TRIM6: variants seen among roughly 807,000 people sequenced by gnomAD.
The protein encoded by TRIM6 is tripartite motif-containing protein 6.
Under a neutral mutation model 51.2 loss-of-function variants are expected in TRIM6, and 43 were observed. The observed-to-expected ratio is 0.84, with a 90% CI of 0.66 to 1.08. The LOEUF is 1.08. Among genes scored for constraint, TRIM6 ranks in the 50% least tolerant of loss-of-function variants. The probability of loss-of-function intolerance (pLI) is 0.00; values close to 1 mark genes in which losing one functional copy is unlikely to be tolerated. For missense variants in TRIM6, 669 were observed against 619.0 expected, an observed-to-expected ratio of 1.08 and a Z score of -0.86; for synonymous variants, 215 against 232.4, an observed-to-expected ratio of 0.93 and a Z score of 0.68.
Position 5,610,562 on chromosome 11 carries a change from G to T in TRIM6, c.985+1G>T. On this transcript the variant is annotated splice_donor_variant, in intron 7 of 7. Transcript: ENST00000380097. LOFTEE classifies it high-confidence loss of function. ...CTGACAGATGTCCAAAGCTACTGGG[G>T]TAAGTAGAAGCCATGGCCTCTTTGG... The T allele has an allele frequency of 6.2e-7, 1 of 1,612,956 alleles. No homozygotes were observed. The highest frequency in any genetic ancestry group is 8.5e-7 in the Non-Finnish European group (1 of 1,179,400).
rs756614315 is a variant in TRIM6, at chr11:5,603,689, G to A, written c.461G>A (p.Arg154His). 36 of 1,613,318 alleles carry A rather than the reference G, an allele frequency of 2.2e-5. No homozygotes were observed. The highest frequency in any genetic ancestry group is 4.5e-5 in the East Asian group (2 of 44,790). Residue 154 changes from arginine (R) to histidine (H), a missense_variant, in exon 2 of 8, where the codon CGT becomes CAT. By Grantham distance (29) the Arg-to-His change is conservative. Transcript: ENST00000380097. ...CTTTGTGAGCGGTCTCAGGAGCACC[G>A]TGGTCACCACACGTTCCTCGTGGAG... is the stretch of plus-strand genomic sequence containing the variant. Reference protein sequence around the residue: ...CWLCERSQEHRGHHTFLVEEV... With the variant: ...CWLCERSQEHHGHHTFLVEEV...
chr11:5,598,738 C>T (rs1490135674), intron 1 of TRIM6, among the ~76,000 whole-genome samples: 1 of 152,172 alleles, frequency 6.6e-6, no homozygotes, highest in Non-Finnish European at 1.5e-5. Flanking sequence ...AACACAGTTC[C>T]ATTATGCTTA....
At position 5,611,510 on chromosome 11, in the gene TRIM6, C is replaced by G. The variant is rs375969165; in HGVS notation, c.*168C>G. On this transcript the variant is annotated 3_prime_UTR_variant, in exon 8 of 8. Transcript: ENST00000380097. ...GCTCTGTCGCCCAGGCTGGAGTGCACTGGCGCAATCTCGGCTCACTGCAAC... is the reference window on the plus strand; with the variant it reads ...GCTCTGTCGCCCAGGCTGGAGTGCAGTGGCGCAATCTCGGCTCACTGCAAC... The G allele has an allele frequency of 4.6e-3, 2,918 of 627,778 alleles. 61 individuals are homozygous for G. Among genetic ancestry groups the G allele is most frequent in the South Asian group, 0.037 (1,723 of 46,294 alleles). The allele number at this position is 627,778 out of a possible 1,614,324, so 38.9% of individuals were successfully genotyped here. A position where few individuals can be genotyped will look rare whatever the true frequency, so the allele number is the denominator to read the frequency against.
intron 4 of TRIM6, among the ~76,000 whole-genome samples, chr11:5,607,077 G>C (rs1240089251): frequency 6.6e-6 from 1 of 151,926 alleles, no homozygotes; most frequent in South Asian, 2.1e-4. Flanking sequence ...GGTGGCGGGC[G>C]CCTGTAGTCC....
In TRIM6 at chr11:5,610,523, T is replaced by C; in HGVS notation, c.959-12T>C. 6.2e-7 allele frequency: 1 copy of C among 1,614,148 alleles called. No individual in the cohort carries two copies. Among genetic ancestry groups the C allele is most frequent in the Non-Finnish European group, 8.5e-7 (1 of 1,180,022 alleles). On this transcript the variant is annotated splice_polypyrimidine_tract_variant and intron_variant, in intron 6 of 7. Transcript: ENST00000380097. Reference sequence around the variant, plus strand: ...TCCTATTCAACATTATTGACTCTTTTCATCATTACAGAGCTGACAGATGTC... The same window carrying C: ...TCCTATTCAACATTATTGACTCTTTCCATCATTACAGAGCTGACAGATGTC...
At chr11:5,600,432 C>T (rs529176394) in intron 1 of TRIM6, among the ~76,000 whole-genome samples, 1 of 152,308 alleles carries the variant, frequency 6.6e-6, no homozygotes, top group South Asian at 2.1e-4. Context: ...CTAGTACTTG[C>T]AGAAGCACCA....
At chr11:5,600,871 A>G (rs546646094) in intron 1 of TRIM6, among the ~76,000 whole-genome samples, 29 of 152,236 alleles carry the variant, frequency 1.9e-4, no homozygotes, top group Non-Finnish European at 1.5e-4. Flanking sequence ...TGGCCCAAAC[A>G]CAACTCCAGG....
chr11:5,612,008 G>C lies in TRIM6; in HGVS notation c.*666G>C, dbSNP rs1435010890. 6.6e-6 allele frequency: 1 copy of C among 152,058 alleles called. No individual in the cohort carries two copies. Among genetic ancestry groups the C allele is most frequent in the East Asian group, 1.9e-4 (1 of 5,190 alleles). The allele number at this position is 152,058 out of a possible 1,614,324, so 9.4% of individuals were successfully genotyped here. A position where few individuals can be genotyped will look rare whatever the true frequency, so the allele number is the denominator to read the frequency against. On this transcript the variant is annotated 3_prime_UTR_variant, in exon 8 of 8. Transcript: ENST00000380097. ...ACCTATGTCTTTTCTGTAAATTATT[G>C]AGACAATTGTGTATCATTTTTGTTC...
chr11:5,605,735 G>A (rs954903276), intron 4 of TRIM6, among the ~76,000 whole-genome samples, 168 bp downstream of exon 4: 4 of 152,138 alleles, frequency 2.6e-5, no homozygotes, highest in Admixed American at 6.5e-5. Context: ...GGAGTAAAGC[G>A]TAAGATAATT....
At chr11:5,606,176 A>G (rs1323088191) in intron 4 of TRIM6, among the ~76,000 whole-genome samples, 3 of 152,202 alleles carry the variant, frequency 2.0e-5, no homozygotes, top group Non-Finnish European at 4.4e-5. Context: ...GAGATGATGT[A>G]TTACCAGCCC....
At chr11:5,605,301 C>G in intron 3 of TRIM6, 36 bp from the exon 4 acceptor site, 11 of 1,612,804 alleles carry the variant, frequency 6.8e-6, no homozygotes, top group Non-Finnish European at 9.3e-6. Context: ...TCAGTGTGAC[C>G]GACTAGCAGC....
At position 5,597,676 on chromosome 11, in the gene TRIM6, C is replaced by T. The variant is rs148287583; in HGVS notation, c.17+762C>T. On this transcript the variant is annotated intron_variant, in intron 1 of 7. Transcript: ENST00000380097. ...CCGCTCTGTCATTCCTAACTCTGAACCCCCAGCCTACACCAGCCCCAGTAT... is the reference window on the plus strand; with the variant it reads ...CCGCTCTGTCATTCCTAACTCTGAATCCCCAGCCTACACCAGCCCCAGTAT... 5.4e-3 allele frequency among the ~76,000 whole-genome samples: 824 copies of T among 152,202 alleles called. 7 individuals carry two copies. Among genetic ancestry groups the T allele is most frequent in the Middle Eastern group, 0.014 (4 of 294 alleles).
chr11:5,596,536 T>TCCCCCTTCCCCCTTCCCCCTTCCCCTC, upstream of TRIM6: 1 of 5,382 alleles, frequency 1.9e-4, no homozygotes, highest in African/African-American at 5.2e-4. Flanking sequence ...CCTTCCCCCT[T>TCCCCCTTCCCCCTTCCCCCTTCCCCTC]CCCCCTTCCC....
chr11:5,599,421 T>TTTATTTATTTA (rs1847690193), intron 1 of TRIM6, among the ~76,000 whole-genome samples: 3 of 77,038 alleles, frequency 3.9e-5, no homozygotes, highest in South Asian at 3.8e-4. Context: ...TTATTTATTT[T>TTTATTTATTTA]GAGACGGAGT....
intron 1 of TRIM6, among the ~76,000 whole-genome samples, chr11:5,601,113 G>A (rs1847817466): frequency 6.6e-6 from 1 of 152,284 alleles, no homozygotes; most frequent in South Asian, 2.1e-4. Flanking sequence ...GGATCCTGCT[G>A]AAGTTTAAGA....
At position 5,602,885 on chromosome 11, in the gene TRIM6, C is replaced by T. The variant is rs185629881; in HGVS notation, c.18-361C>T. ...AGGAGAATTGCTTGAACCTGGGAGG[C>T]GGAGATTGCAGTGAGCTGAGATTGT... On this transcript the variant is annotated intron_variant, in intron 1 of 7. Transcript: ENST00000380097. Among the ~76,000 whole-genome samples the T allele has an allele frequency of 3.7e-3, 562 of 152,086 alleles. 3 individuals carry two copies. Among genetic ancestry groups the T allele is most frequent in the African/African-American group, 0.012 (502 of 41,464 alleles).
In TRIM6 at chr11:5,608,019, A is replaced by G. The variant is rs965725850; in HGVS notation, c.835-353A>G. Among the ~76,000 whole-genome samples the G allele has an allele frequency of 1.8e-4, 27 of 152,338 alleles. No individual in the cohort carries two copies. The Middle Eastern group carries it at 0.01, about 58-fold the overall frequency. Reference sequence around the variant, plus strand: ...AGCCTGTATCTTCAGCAACCAGAACAGGATGTAAGCTACTCAAGGATAGAA... The same window carrying G: ...AGCCTGTATCTTCAGCAACCAGAACGGGATGTAAGCTACTCAAGGATAGAA... On this transcript the variant is annotated intron_variant, in intron 4 of 7. Transcript: ENST00000380097.
chr11:5,605,835 C>A (rs151156245), intron 4 of TRIM6, among the ~76,000 whole-genome samples: 263 of 152,254 alleles, frequency 1.7e-3, no homozygotes, highest in Admixed American at 2.9e-3. Flanking sequence ...TCTGTTGTAT[C>A]CAGTGATGTT....
At chr11:5,604,492 C>G (rs761102909) in intron 2 of TRIM6, 42 bp from the exon 3 acceptor site, 8 of 1,588,678 alleles carry the variant, frequency 5.0e-6, no homozygotes, top group South Asian at 1.2e-5. Context: ...ACTGAGTCAA[C>G]TGAAGGCTTG....
Sources: gnomAD v4.1 joint callset for allele counts (sites outside exome capture counted in the v4.1 genomes callset) on GRCh38, gnomAD v4.1.1 for gene constraint, MANE v1.5 for transcripts, NCBI Gene and HGNC (gene_info 2026-07-23, HGNC 2026-07-21) for gene names.